LRBA: variants seen among roughly 807,000 people sequenced by gnomAD.
LRBA encodes the protein LPS responsive beige-like anchor protein, also known as lipopolysaccharide-responsive and beige-like anchor protein.
In LRBA, 176 loss-of-function variants were observed where a neutral mutation model predicts 330.0. The observed-to-expected ratio is 0.53, with a 90% confidence interval of 0.47 to 0.60. The LOEUF (loss-of-function observed/expected upper bound fraction) is 0.60, where lower values mean the gene tolerates loss of function less well. Ranked by LOEUF, LRBA falls within the 20% of genes least tolerant of loss-of-function variation. The pLI is 0.00. For missense variants in LRBA, 3,259 were observed against 3,444.8 expected (o/e 0.95, Z 1.35); for synonymous variants, 1,230 against 1,193.0 (o/e 1.03, Z -0.64).
At chr4:150,824,505 A>C (rs1042183908) in intron 30 of LRBA, among the ~76,000 whole-genome samples, 1 of 152,160 alleles carries the variant, frequency 6.6e-6, no homozygotes, top group Non-Finnish European at 1.5e-5. Context: ...TTTAGAGAAA[A>C]GGCTTTCAGT....
chr4:150,825,469 C>T (rs1442358849), intron 30 of LRBA, among the ~76,000 whole-genome samples: 1 of 152,116 alleles, frequency 6.6e-6, no homozygotes, highest in East Asian at 1.9e-4. Context: ...CAGGTTCAAG[C>T]GATTCTCCTG....
chr4:150,937,729 T>G (rs188801438), intron 2 of LRBA, among the ~76,000 whole-genome samples: 1 of 152,284 alleles, frequency 6.6e-6, no homozygotes, highest in East Asian at 1.9e-4. Context: ...CATAAGGTTA[T>G]AGAAATTTTA....
chr4:150,527,094 G>T lies in LRBA; in HGVS notation c.6331-36059C>A, dbSNP rs568254440. 4.6e-5 allele frequency among the ~76,000 whole-genome samples: 7 copies of T among 150,928 alleles called. No individual in the cohort carries two copies. The South Asian group carries it at 1.5e-3, about 32-fold the overall frequency. On this transcript the variant is annotated intron_variant, in intron 40 of 56. Transcript: ENST00000651943. ...GTGCCTCGCTGATTATTTCTTCATG[G>T]TATCATTTAATTTGTTTTTGTATCC...
At chr4:150,654,644 T>G (rs13103943) in intron 37 of LRBA, among the ~76,000 whole-genome samples, 120,889 of 152,018 alleles carry the variant, frequency 0.8, 52,038 homozygotes, top group Non-Finnish European at 0.95. Context: ...CTGCACCTAT[T>G]AACTCGTCAT....
At chr4:150,861,270 G>GGT (rs35115144) in intron 22 of LRBA, among the ~76,000 whole-genome samples, 30,841 of 137,754 alleles carry the variant, frequency 0.22, 3,592 homozygotes, top group Admixed American at 0.31. Flanking sequence ...CCCAGCTAAT[G>GGT]GTGTGTGTGT....
At position 150,916,612 on chromosome 4, in the gene LRBA, C is replaced by A; in HGVS notation, c.767+5G>T. ...TTAACACTAATCAGTTACAGAAATA[C>A]ATACCAATACAAATATGGTTTATCC... On this transcript the variant is annotated splice_donor_5th_base_variant and intron_variant, in intron 6 of 56. Transcript: ENST00000651943. 1 of 1,595,970 alleles carries A rather than the reference C, an allele frequency of 6.3e-7. No individual in the cohort carries two copies. The highest frequency in any genetic ancestry group is 1.7e-4 in the Middle Eastern group (1 of 5,942).
intron 35 of LRBA, among the ~76,000 whole-genome samples, chr4:150,736,657 A>G (rs571742166): frequency 6.6e-6 from 1 of 152,310 alleles, no homozygotes; most frequent in African/African-American, 2.4e-5. Context: ...AAGAGTAGAT[A>G]CATAATTAGA....
At chr4:150,871,318 AGG>A (rs765805661) in intron 19 of LRBA, 25 bp downstream of exon 19, 74 of 1,196,706 alleles carry the variant, frequency 6.2e-5, no homozygotes, top group Non-Finnish European at 8.5e-5. Context: ...AGAAATTTAG[AGG>A]AGTAAATCCT....
In LRBA at chr4:150,656,798, A is replaced by C. The variant is rs74515055; in HGVS notation, c.5921+26753T>G. Among the ~76,000 whole-genome samples, 692 of 152,328 alleles carry C rather than the reference A, an allele frequency of 4.5e-3. 5 individuals are homozygous for C. The highest frequency in any genetic ancestry group is 0.015 in the African/African-American group (626 of 41,566). On this transcript the variant is annotated intron_variant, in intron 37 of 56. Transcript: ENST00000651943. ...TATTCAGTGCTTAGAACAATGTTGC[A>C]AACAGTGAAACTCAATACCTATTAC...
At chr4:150,832,574 C>T (rs1056295126) in intron 28 of LRBA, among the ~76,000 whole-genome samples, 1 of 151,852 alleles carries the variant, frequency 6.6e-6, no homozygotes, top group Non-Finnish European at 1.5e-5. Flanking sequence ...CAAGCCTGGG[C>T]GACAGAGTGA....
intron 36 of LRBA, among the ~76,000 whole-genome samples, chr4:150,717,295 T>G (rs1311133317): frequency 2.0e-5 from 3 of 152,160 alleles, no homozygotes; most frequent in Admixed American, 2.0e-4. Flanking sequence ...TTATAAGTAC[T>G]CACAAAAATG....
chr4:151,013,287 A>G (rs1280438105), intron 2 of LRBA: 1 of 152,240 alleles, frequency 6.6e-6, no homozygotes, highest in African/African-American at 2.4e-5. Flanking sequence ...AAAAGGGGGA[A>G]GTATTTTAGG....
Position 150,360,232 on chromosome 4 carries a change from A to G in LRBA, c.7195-10073T>C, listed in dbSNP as rs576497936. On this transcript the variant is annotated intron_variant, in intron 47 of 56. Coordinates refer to ENST00000651943, the MANE Select transcript of LRBA (RefSeq NM_001364905.1). ...AGTCTTGAACTCCTGAGCTCAAGCA[A>G]TCCTCCTGCCTTGGCCTTCCAAATT... Among the ~76,000 whole-genome samples the G allele has an allele frequency of 3.9e-5, 6 of 152,080 alleles. No individual in the cohort carries two copies. In the South Asian group the frequency reaches 6.3e-4, roughly 16 times the overall value.
chr4:150,271,318 T>G (rs1246582210), intron 56 of LRBA, among the ~76,000 whole-genome samples: 2 of 151,552 alleles, frequency 1.3e-5, no homozygotes, highest in African/African-American at 2.4e-5. Flanking sequence ...CAGGAGTTTT[T>G]TTTTTTTTTT....
intron 28 of LRBA, among the ~76,000 whole-genome samples, chr4:150,838,041 C>T (rs1228782665): frequency 6.6e-6 from 1 of 152,142 alleles, no homozygotes; most frequent in African/African-American, 2.4e-5. Flanking sequence ...ATTTCTCCTT[C>T]ACTTATGAAG....
chr4:150,920,783 C>A (rs539695053), intron 5 of LRBA, among the ~76,000 whole-genome samples: 1 of 151,786 alleles, frequency 6.6e-6, no homozygotes, highest in East Asian at 1.9e-4. Context: ...GGAAAACTTG[C>A]GTAGTAAGTT....
chr4:150,279,276 G>A (rs751612768), intron 55 of LRBA, among the ~76,000 whole-genome samples: 2 of 152,058 alleles, frequency 1.3e-5, no homozygotes, highest in African/African-American at 2.4e-5. Flanking sequence ...ACTCCTAATT[G>A]TCCCTCCCTC....
rs1406184251 is a variant in LRBA, at chr4:150,598,895, C to T, written c.6046+112G>A. On this transcript the variant is annotated intron_variant, in intron 38 of 56. Transcript: ENST00000651943. ...AACTTCTCTTTCTGGTATGAACAAC[C>T]ATAAAATGTGGTGTTGGACCATTTT... is the stretch of plus-strand genomic sequence containing the variant. 2.4e-6 allele frequency: 3 copies of T among 1,265,194 alleles called. No homozygotes were observed. The Admixed American group carries it at 6.8e-5, about 29-fold the overall frequency. The allele number at this position is 1,265,194 out of a possible 1,614,324, so 78.4% of individuals were successfully genotyped here.
At chr4:150,991,424 T>C (rs1435806948) in intron 2 of LRBA, among the ~76,000 whole-genome samples, 3 of 152,226 alleles carry the variant, frequency 2.0e-5, no homozygotes, top group Non-Finnish European at 4.4e-5. Context: ...CCAAAGTAAC[T>C]GGATAAACAA....
Sources: allele counts gnomAD v4.1 joint callset (sites outside exome capture counted in the v4.1 genomes callset), GRCh38; gene constraint gnomAD v4.1.1; transcripts MANE v1.5; gene names NCBI Gene and HGNC (gene_info 2026-07-23, HGNC 2026-07-21).